CAB39L: variants seen among roughly 807,000 people sequenced by gnomAD.
CAB39L encodes the protein calcium binding protein 39 like.
In CAB39L, 23 loss-of-function variants were observed where a neutral mutation model predicts 39.1. The observed-to-expected ratio is 0.59, with a 90% CI of 0.42 to 0.83. The LOEUF is 0.83. CAB39L is among the 40% of genes least tolerant of loss of function. The pLI, the probability that CAB39L is intolerant of heterozygous loss-of-function variation, is 0.00. For missense variants in CAB39L, 366 were observed against 391.9 expected (o/e 0.93, Z 0.56); for synonymous variants, 126 against 137.2 (o/e 0.92, Z 0.57).
At chr13:49,365,425 G>C (rs984533969) in intron 5 of CAB39L, among the ~76,000 whole-genome samples, 1 of 152,104 alleles carries the variant, frequency 6.6e-6, no homozygotes, top group Non-Finnish European at 1.5e-5. Flanking sequence ...ACAAGCACAG[G>C]CAATCAAAGC....
At chr13:49,315,896 A>AC (rs1451629904) in intron 10 of CAB39L, among the ~76,000 whole-genome samples, 1 of 151,024 alleles carries the variant, frequency 6.6e-6, no homozygotes, top group African/African-American at 2.4e-5. Context: ...AAAAAAAAAA[A>AC]AAAGAAAAGA....
At chr13:49,330,789 G>T (rs1954669234) in intron 10 of CAB39L, among the ~76,000 whole-genome samples, 1 of 151,152 alleles carries the variant, frequency 6.6e-6, no homozygotes. Flanking sequence ...CAGAAGATAA[G>T]AATCTTAAAT....
chr13:49,414,809 ACAAT>A (rs1255555993), intron 3 of CAB39L, among the ~76,000 whole-genome samples: 2 of 152,202 alleles, frequency 1.3e-5, no homozygotes, highest in Non-Finnish European at 1.5e-5. Context: ...ATTTTCTGTA[ACAAT>A]CAAATTTTCT....
chr13:49,332,941 G>C (rs1192043790), intron 9 of CAB39L, among the ~76,000 whole-genome samples: 1 of 151,878 alleles, frequency 6.6e-6, no homozygotes, highest in Non-Finnish European at 1.5e-5. Context: ...TTTTCTGAAG[G>C]CCTCAGGGGA....
At chr13:49,325,304 T>C (rs760481185) in intron 10 of CAB39L, among the ~76,000 whole-genome samples, 8 of 152,258 alleles carry the variant, frequency 5.3e-5, no homozygotes, top group Non-Finnish European at 1.2e-4. Flanking sequence ...TCGACACCAT[T>C]TAAAAGCAGT....
At chr13:49,392,820 C>T (rs1956517518) in intron 3 of CAB39L, among the ~76,000 whole-genome samples, 1 of 151,866 alleles carries the variant, frequency 6.6e-6, no homozygotes, top group African/African-American at 2.4e-5. Context: ...AAATCAAAAG[C>T]TGTGTTTACA....
intron 3 of CAB39L, among the ~76,000 whole-genome samples, chr13:49,406,337 T>A: frequency 6.8e-6 from 1 of 147,448 alleles, no homozygotes. Context: ...CCAGCTATTT[T>A]TTTTTTTTTT....
At chr13:49,350,688 C>T in intron 7 of CAB39L, 56 bp downstream of exon 7, 3 of 1,333,182 alleles carry the variant, frequency 2.3e-6, no homozygotes, top group Non-Finnish European at 3.0e-6. Context: ...TAAATTGCCT[C>T]TTCAGGGGCC....
intron 6 of CAB39L, 108 bp from the exon 7 acceptor site, chr13:49,351,020 C>T (rs1175642989): frequency 2.8e-6 from 2 of 724,352 alleles, no homozygotes; most frequent in Non-Finnish European, 4.1e-6. Context: ...AGCATACATA[C>T]CATTTGTCAC....
chr13:49,415,641 C>T (rs1263997090), intron 3 of CAB39L, among the ~76,000 whole-genome samples: 1 of 151,988 alleles, frequency 6.6e-6, no homozygotes, highest in Non-Finnish European at 1.5e-5. Context: ...TCCATTATAA[C>T]CCCATGTTGA....
At chr13:49,354,976 A>G (rs1240433101) in intron 6 of CAB39L, among the ~76,000 whole-genome samples, 4 of 152,238 alleles carry the variant, frequency 2.6e-5, no homozygotes, top group African/African-American at 7.2e-5. Context: ...AAACAAGGCC[A>G]GGAAATACCT....
intron 10 of CAB39L, among the ~76,000 whole-genome samples, chr13:49,326,296 A>C (rs1566063552): frequency 6.6e-6 from 1 of 152,230 alleles, no homozygotes; most frequent in African/African-American, 2.4e-5. Flanking sequence ...AGTATCTTAG[A>C]ATTACACTTC....
chr13:49,435,553 T>C (rs1957396167), intron 1 of CAB39L, among the ~76,000 whole-genome samples: 1 of 152,226 alleles, frequency 6.6e-6, no homozygotes, highest in Non-Finnish European at 1.5e-5. Flanking sequence ...CAGGCTGGAG[T>C]GCAGCGGCAT....
Position 49,382,937 on chromosome 13 carries a change from G to A in CAB39L, c.-27C>T, listed in dbSNP as rs1450747151. On this transcript the variant is annotated 5_prime_UTR_variant, in exon 4 of 11. Transcript: ENST00000409308. ...TGTAGAAATCTCTTCTTCCAATATG[G>A]AATGCTAAAAACAAATAAGCCAACA... 1 of 1,358,798 alleles carries A rather than the reference G, an allele frequency of 7.4e-7. No individual in the cohort carries two copies. The highest frequency in any genetic ancestry group is 1.2e-5 in the South Asian group (1 of 80,904). 84.2% of individuals were successfully genotyped at this position (1,358,798 alleles called of 1,614,324 possible).
chr13:49,431,551 TA>T (rs1388398378), intron 3 of CAB39L, among the ~76,000 whole-genome samples: 4 of 151,316 alleles, frequency 2.6e-5, no homozygotes, highest in Non-Finnish European at 5.9e-5. Context: ...TACTAAAAAT[TA>T]AAAAATTACC....
At chr13:49,430,244 TAG>T (rs1957300601) in intron 3 of CAB39L, among the ~76,000 whole-genome samples, 1 of 152,228 alleles carries the variant, frequency 6.6e-6, no homozygotes, top group Admixed American at 6.5e-5. Context: ...CTAACTGCTA[TAG>T]ATAGTTGGGC....
chr13:49,316,522 A>G (rs993384497), intron 10 of CAB39L, among the ~76,000 whole-genome samples: 1 of 152,188 alleles, frequency 6.6e-6, no homozygotes, highest in Non-Finnish European at 1.5e-5. Context: ...AACAACACAA[A>G]AAAACTACAT....
intron 3 of CAB39L, among the ~76,000 whole-genome samples, chr13:49,390,929 T>C (rs1009124592): frequency 2.7e-5 from 4 of 150,898 alleles, no homozygotes; most frequent in African/African-American, 4.9e-5. Flanking sequence ...AACAGATAAC[T>C]GATGAGAGAG....
intron 6 of CAB39L, chr13:49,351,158 G>A (rs1955338087): frequency 3.0e-6 from 1 of 335,876 alleles, no homozygotes; most frequent in African/African-American, 2.1e-5. Context: ...CTGGGGGTGG[G>A]GGGATGAGGC....
Sources: gnomAD v4.1 joint callset for allele counts (sites outside exome capture counted in the v4.1 genomes callset) on GRCh38, gnomAD v4.1.1 for gene constraint, MANE v1.5 for transcripts, NCBI Gene and HGNC (gene_info 2026-07-23, HGNC 2026-07-21) for gene names.